The following DLG2 variants were observed in gnomAD, a reference collection of about 807,000 sequenced individuals.
The protein encoded by DLG2 is disks large homolog 2.
DLG2 carries 45 observed loss-of-function variants against 132.5 expected under a neutral mutation model. The ratio of observed to expected loss-of-function variants is 0.34; its 90% CI spans 0.27 to 0.44. The LOEUF (loss-of-function observed/expected upper bound fraction) is 0.44. Among genes scored for constraint, DLG2 ranks in the 20% least tolerant of loss-of-function variants. The probability of loss-of-function intolerance (pLI) is 1.00; values close to 1 mark genes in which losing one functional copy is unlikely to be tolerated. For synonymous variants in DLG2, 424 were observed against 419.6 expected, an observed-to-expected ratio of 1.01 and a Z score of -0.13; for missense variants, 1,045 against 1,196.9, an observed-to-expected ratio of 0.87 and a Z score of 1.87.
intron 7 of DLG2, among the ~76,000 whole-genome samples, chr11:84,442,544 A>G (rs1267296319): frequency 2.0e-5 from 3 of 152,010 alleles, no homozygotes; most frequent in Non-Finnish European, 4.4e-5. Context: ...GCGGGAGGCT[A>G]GGGGAGGGAT....
At chr11:83,559,877 G>A (rs1593189945) in intron 19 of DLG2, among the ~76,000 whole-genome samples, 1 of 152,170 alleles carries the variant, frequency 6.6e-6, no homozygotes, top group African/African-American at 2.4e-5. Context: ...GGTACTGGAA[G>A]GAACCTGGAG....
At chr11:85,333,636 G>T (rs1304094383) in intron 3 of DLG2, among the ~76,000 whole-genome samples, 1 of 151,940 alleles carries the variant, frequency 6.6e-6, no homozygotes, top group Non-Finnish European at 1.5e-5. Context: ...TTTTGACATG[G>T]GGAGATTTTC....
chr11:84,170,351 A>G (rs1164006153), intron 8 of DLG2, among the ~76,000 whole-genome samples: 1 of 152,192 alleles, frequency 6.6e-6, no homozygotes, highest in African/African-American at 2.4e-5. Context: ...AGTACCTATC[A>G]TGTACTTGGT....
chr11:84,464,024 C>A (rs1476811200), intron 7 of DLG2, among the ~76,000 whole-genome samples: 6 of 151,188 alleles, frequency 4.0e-5, no homozygotes, highest in Non-Finnish European at 8.9e-5. Context: ...TGCAAAATTT[C>A]AATCTAATTT....
chr11:84,237,376 C>T (rs1461416402), intron 8 of DLG2, among the ~76,000 whole-genome samples: 3 of 152,180 alleles, frequency 2.0e-5, no homozygotes, highest in Admixed American at 6.5e-5. Context: ...TAAAGAGATA[C>T]TGATTATAAT....
chr11:85,028,433 C>T (rs1159409468), intron 6 of DLG2, among the ~76,000 whole-genome samples: 2 of 152,168 alleles, frequency 1.3e-5, no homozygotes, highest in Admixed American at 1.3e-4. Flanking sequence ...GGAACCTACC[C>T]CTTTCTGCCC....
At chr11:83,716,766 C>A (rs1192961623) in intron 18 of DLG2, among the ~76,000 whole-genome samples, 1 of 152,114 alleles carries the variant, frequency 6.6e-6, no homozygotes, top group Non-Finnish European at 1.5e-5. Flanking sequence ...AGACTTTTCT[C>A]ACATAATCTT....
chr11:83,623,309 G>A (rs758665459), intron 19 of DLG2, among the ~76,000 whole-genome samples: 1 of 152,118 alleles, frequency 6.6e-6, no homozygotes, highest in Non-Finnish European at 1.5e-5. Context: ...TGATTAACAA[G>A]GGGCAAGGAG....
intron 2 of DLG2, among the ~76,000 whole-genome samples, chr11:85,620,302 A>G (rs1009125231): frequency 4.3e-4 from 66 of 152,294 alleles, no homozygotes; most frequent in African/African-American, 1.6e-3. Flanking sequence ...TCATTGCCCC[A>G]TCTCTCTCCC....
At chr11:84,728,333 A>T (rs1277419629) in intron 6 of DLG2, among the ~76,000 whole-genome samples, 1 of 152,140 alleles carries the variant, frequency 6.6e-6, no homozygotes, top group Non-Finnish European at 1.5e-5. Flanking sequence ...TCTTTTCTGC[A>T]TCTATTGAGA....
At chr11:84,057,453 G>T (rs1232342827) in intron 11 of DLG2, among the ~76,000 whole-genome samples, 1 of 151,976 alleles carries the variant, frequency 6.6e-6, no homozygotes, top group Non-Finnish European at 1.5e-5. Flanking sequence ...TGGCTTTAAA[G>T]CTCCTTGCAA....
intron 19 of DLG2, among the ~76,000 whole-genome samples, chr11:83,565,465 G>A (rs1038395843): frequency 2.0e-5 from 3 of 152,210 alleles, no homozygotes; most frequent in South Asian, 4.1e-4. Context: ...TCAGTAACTT[G>A]AATTGAGAAC....
chr11:84,921,998 A>G (rs1038296955), intron 6 of DLG2, among the ~76,000 whole-genome samples: 3 of 152,192 alleles, frequency 2.0e-5, no homozygotes, highest in Non-Finnish European at 4.4e-5. Context: ...TTGGTCATCA[A>G]AACATAAATA....
chr11:84,792,272 G>A (rs535142518), intron 6 of DLG2, among the ~76,000 whole-genome samples: 2 of 152,176 alleles, frequency 1.3e-5, no homozygotes, highest in African/African-American at 2.4e-5. Context: ...TTGTGTCACT[G>A]GGATAAATCC....
intron 14 of DLG2, among the ~76,000 whole-genome samples, chr11:83,942,621 T>A (rs1348557004): frequency 6.6e-6 from 1 of 152,248 alleles, no homozygotes; most frequent in Non-Finnish European, 1.5e-5. Flanking sequence ...AAGAGGCATA[T>A]CTGTACATCT....
intron 5 of DLG2, among the ~76,000 whole-genome samples, chr11:85,114,718 A>G (rs550285300): frequency 1.0e-3 from 157 of 152,124 alleles, no homozygotes; most frequent in African/African-American, 3.6e-3. Flanking sequence ...ATGCTGACCA[A>G]TTACACCTGA....
At chr11:84,408,521 G>A (rs1405326189) in intron 7 of DLG2, among the ~76,000 whole-genome samples, 6 of 152,022 alleles carry the variant, frequency 3.9e-5, no homozygotes, top group African/African-American at 9.7e-5. Flanking sequence ...ATTAAACAAC[G>A]TCTTCATCTT....
chr11:83,683,524 A>C (rs2064338934), intron 18 of DLG2, among the ~76,000 whole-genome samples: 1 of 152,216 alleles, frequency 6.6e-6, no homozygotes, highest in Non-Finnish European at 1.5e-5. Flanking sequence ...AGTAGAAAGG[A>C]TAAAAAGATA....
chr11:83,950,253 T>C (rs2085076292), intron 14 of DLG2, among the ~76,000 whole-genome samples: 1 of 152,234 alleles, frequency 6.6e-6, no homozygotes, highest in Non-Finnish European at 1.5e-5. Context: ...TTAATTAATA[T>C]CTGCTTATAA....
Sources: gnomAD v4.1 joint callset for allele counts (sites outside exome capture counted in the v4.1 genomes callset) on GRCh38, gnomAD v4.1.1 for gene constraint, MANE v1.5 for transcripts, NCBI Gene and HGNC (gene_info 2026-07-23, HGNC 2026-07-21) for gene names.